TRMT11: variants seen among roughly 807,000 people sequenced by gnomAD.
TRMT11 encodes tRNA methyltransferase 11, also known as tRNA (guanine(10)-N(2))-methyltransferase TRMT11.
A neutral mutation model predicts 62.8 loss-of-function variants in TRMT11; 53 were observed. The ratio of observed to expected loss-of-function variants is 0.84; its 90% CI spans 0.68 to 1.06. The LOEUF (loss-of-function observed/expected upper bound fraction) is 1.06, where lower values mean the gene tolerates loss of function less well. Among genes scored for constraint, TRMT11 ranks in the 50% least tolerant of loss-of-function variants. The pLI, the probability that TRMT11 is intolerant of heterozygous loss-of-function variation, is 0.00. For synonymous variants in TRMT11, 188 were observed against 190.3 expected (o/e 0.99, Z 0.10); for missense variants, 556 against 553.4 (o/e 1.00, Z -0.05).
At chr6:126,093,613 A>ATTT (rs1461240855) in intron 17 of TRMT11, among the ~76,000 whole-genome samples, 1 of 88,076 alleles carries the variant, frequency 1.1e-5, no homozygotes, top group African/African-American at 7.9e-5. Context: ...ATATATATAT[A>ATTT]TATATATATA....
chr6:126,149,173 G>T (rs1186665968), intron 21 of TRMT11, among the ~76,000 whole-genome samples: 2 of 152,256 alleles, frequency 1.3e-5, no homozygotes, highest in Non-Finnish European at 2.9e-5. Flanking sequence ...TGGAAAGCCA[G>T]AAGGATGGTT....
chr6:125,995,676 G>A (rs1791383917), intron 2 of TRMT11, among the ~76,000 whole-genome samples: 1 of 151,988 alleles, frequency 6.6e-6, no homozygotes, highest in South Asian at 2.1e-4. Context: ...TTATACTTTG[G>A]GATATAATAT....
chr6:126,069,020 C>T (rs1287763614), intron 17 of TRMT11, among the ~76,000 whole-genome samples: 1 of 152,148 alleles, frequency 6.6e-6, no homozygotes, highest in East Asian at 1.9e-4. Flanking sequence ...ATTTAGGGTA[C>T]CAGGGTATAC....
At chr6:126,042,936 A>T (rs1029412477), downstream of TRMT11, among the ~76,000 whole-genome samples, 1 of 152,190 alleles carries the variant, frequency 6.6e-6, no homozygotes, top group African/African-American at 2.4e-5. Flanking sequence ...AATCTTTAAG[A>T]GTCCCTTAAA....
At chr6:126,163,530 T>C (rs1248860863) in intron 21 of TRMT11, among the ~76,000 whole-genome samples, 1 of 152,216 alleles carries the variant, frequency 6.6e-6, no homozygotes, top group African/African-American at 2.4e-5. Context: ...TTGTTGTGTC[T>C]CTGCCAGGTT....
At chr6:126,253,550 T>A in the TRMT11 span, among the ~76,000 whole-genome samples, 1 of 146,750 alleles carries the variant, frequency 6.8e-6, no homozygotes, top group Admixed American at 6.9e-5. Flanking sequence ...TTTGTTTACA[T>A]GGGCATCACC....
Position 126,021,202 on chromosome 6 carries a change from C to T in TRMT11, c.1182C>T (p.Leu394=), listed in dbSNP as rs752682463. 4.3e-6 allele frequency: 7 copies of T among 1,614,170 alleles called. No individual in the cohort carries two copies. The highest frequency in any genetic ancestry group is 1.7e-4 in the Middle Eastern group (1 of 6,052). ...TGCCTTGGCACCCTTGCCTGGAACT[C>T]GTTAGCAACTGCGAGCAGAAGCTTT... The part of the protein sequence containing the change: ...EMVPWHPCLE[L]VSNCEQKLSS... Residue 394 remains leucine, a synonymous_variant, in exon 12 of 13, where the codon CTC becomes CTT. Transcript: ENST00000334379.
At chr6:126,090,252 T>C (rs1777259539) in intron 17 of TRMT11, among the ~76,000 whole-genome samples, 1 of 152,208 alleles carries the variant, frequency 6.6e-6, no homozygotes. Context: ...GTGAAGCCTC[T>C]TTGGTGCAGG....
chr6:126,151,669 G>C (rs1303881193), intron 21 of TRMT11, among the ~76,000 whole-genome samples: 3 of 151,828 alleles, frequency 2.0e-5, no homozygotes, highest in Non-Finnish European at 4.4e-5. Flanking sequence ...GACAAAAGTA[G>C]ACTATCCCCA....
intron 17 of TRMT11, among the ~76,000 whole-genome samples, chr6:126,088,001 C>T (rs1777233599): frequency 1.3e-5 from 2 of 152,124 alleles, no homozygotes; most frequent in Non-Finnish European, 2.9e-5. Context: ...TGCATTGCCT[C>T]TCTAATTAGA....
the TRMT11 span, among the ~76,000 whole-genome samples, chr6:126,210,127 A>G: frequency 6.6e-6 from 1 of 152,210 alleles, no homozygotes; most frequent in East Asian, 1.9e-4. Flanking sequence ...CCCTAGTAAG[A>G]TGATTTTTTG....
At chr6:126,230,249 C>G in the TRMT11 span, among the ~76,000 whole-genome samples, 1 of 152,208 alleles carries the variant, frequency 6.6e-6, no homozygotes, top group Admixed American at 6.5e-5. Flanking sequence ...CTCTTCCTAA[C>G]AACTTCTACC....
At chr6:126,001,499 A>C (rs541844591) in intron 7 of TRMT11, among the ~76,000 whole-genome samples, 1 of 152,124 alleles carries the variant, frequency 6.6e-6, no homozygotes, top group Non-Finnish European at 1.5e-5. Context: ...TGTGTACATG[A>C]TGGCCTTCTG....
chr6:126,044,019 A>G (rs1775967964), downstream of TRMT11, among the ~76,000 whole-genome samples: 1 of 151,452 alleles, frequency 6.6e-6, no homozygotes, highest in Non-Finnish European at 1.5e-5. Context: ...GTTCACTCTG[A>G]TGGTAGTTTC....
In TRMT11 at chr6:126,012,792, C is replaced by G; in HGVS notation, c.947C>G (p.Ser316Cys). The stretch of plus-strand genomic sequence containing the variant: ...CTAGCTCCATATGGTATCAGAGAAT[C>G]TACAAGAAGAACAGGTTCACAGAAG... Reference protein sequence around the residue: ...ITDPPYGIRESTRRTGSQKEI... With the variant: ...ITDPPYGIRECTRRTGSQKEI... Residue 316 changes from serine (S) to cysteine (C), a missense_variant, in exon 10 of 13, where the codon TCT becomes TGT. By Grantham distance (112) the Ser-to-Cys change is moderately radical (BLOSUM62 -1). Transcript: ENST00000334379. The G allele has an allele frequency of 6.2e-7, 1 of 1,613,516 alleles. No homozygotes were observed. The highest frequency in any genetic ancestry group is 1.1e-5 in the South Asian group (1 of 91,060).
chr6:126,220,982 A>G, the TRMT11 span, among the ~76,000 whole-genome samples: 1 of 152,102 alleles, frequency 6.6e-6, no homozygotes, highest in Non-Finnish European at 1.5e-5. Flanking sequence ...CTCAATGTTT[A>G]GCTCCCACTT....
At chr6:126,226,052 A>C in the TRMT11 span, among the ~76,000 whole-genome samples, 1 of 152,176 alleles carries the variant, frequency 6.6e-6, no homozygotes, top group Non-Finnish European at 1.5e-5. Flanking sequence ...TGGACCATTA[A>C]ATGAATTTGA....
intron 17 of TRMT11, among the ~76,000 whole-genome samples, chr6:126,103,441 A>T (rs990575752): frequency 2.6e-5 from 4 of 152,194 alleles, no homozygotes; most frequent in Non-Finnish European, 5.9e-5. Flanking sequence ...AACAACACAC[A>T]TATATTTCTG....
intron 17 of TRMT11, among the ~76,000 whole-genome samples, chr6:126,076,506 G>C (rs2128149101): frequency 6.6e-6 from 1 of 152,310 alleles, no homozygotes; most frequent in Middle Eastern, 3.4e-3. Flanking sequence ...AATTATGCCA[G>C]CCAGGTATTC....
Sources: gnomAD v4.1 joint callset for allele counts (sites outside exome capture counted in the v4.1 genomes callset) on GRCh38, gnomAD v4.1.1 for gene constraint, MANE v1.5 for transcripts, NCBI Gene and HGNC (gene_info 2026-07-23, HGNC 2026-07-21) for gene names.